The following MCC variants were observed in gnomAD, a reference collection of about 807,000 sequenced individuals.
The protein encoded by MCC is colorectal mutant cancer protein.
MCC carries 90 observed loss-of-function variants against 116.2 expected under a neutral mutation model. The observed-to-expected ratio is 0.77, with a 90% CI of 0.65 to 0.92. The LOEUF (loss-of-function observed/expected upper bound fraction) is 0.92. Ranked by LOEUF, MCC falls within the 40% of genes least tolerant of loss-of-function variation. The pLI is 0.00. For synonymous variants in MCC, 578 were observed against 510.5 expected, an observed-to-expected ratio of 1.13 and a Z score of -1.78; for missense variants, 1,516 against 1,312.2, an observed-to-expected ratio of 1.16 and a Z score of -2.40.
At chr5:113,274,702 C>A (rs1371516140) in intron 3 of MCC, among the ~76,000 whole-genome samples, 1 of 152,114 alleles carries the variant, frequency 6.6e-6, no homozygotes, top group Non-Finnish European at 1.5e-5. Flanking sequence ...GCCAGACTAG[C>A]ATTTTGGAAG....
At chr5:113,067,422 C>A (rs910526610) in intron 13 of MCC, among the ~76,000 whole-genome samples, 5 of 152,152 alleles carry the variant, frequency 3.3e-5, no homozygotes, top group African/African-American at 1.2e-4. Flanking sequence ...GGTGGATCAC[C>A]TGAGGTCAGG....
intron 11 of MCC, among the ~76,000 whole-genome samples, chr5:113,076,756 A>G (rs6859911): frequency 0.46 from 69,433 of 152,022 alleles, 17,460 homozygotes; most frequent in African/African-American, 0.69. Context: ...ATCAACTAAC[A>G]AGCAAAATAA....
At chr5:113,050,092 A>G (rs1409762150) in intron 15 of MCC, among the ~76,000 whole-genome samples, 4 of 152,196 alleles carry the variant, frequency 2.6e-5, no homozygotes, top group Admixed American at 2.0e-4. Context: ...GGCTCATTTC[A>G]TCTTCCCAAC....
At chr5:113,486,353 C>T (rs1407917798) in intron 1 of MCC, among the ~76,000 whole-genome samples, 1 of 152,222 alleles carries the variant, frequency 6.6e-6, no homozygotes, top group Non-Finnish European at 1.5e-5. Context: ...TCCAAAACGG[C>T]TTCTTTATCA....
chr5:113,156,102 C>G (rs1760155656), intron 3 of MCC, among the ~76,000 whole-genome samples: 1 of 152,148 alleles, frequency 6.6e-6, no homozygotes, highest in African/African-American at 2.4e-5. Flanking sequence ...TGCCTCAGTC[C>G]CTAGCAACTT....
intron 11 of MCC, among the ~76,000 whole-genome samples, chr5:113,076,061 C>A (rs7734300): frequency 0.11 from 16,906 of 152,144 alleles, 2,326 homozygotes; most frequent in African/African-American, 0.33. Flanking sequence ...TCCAGACACA[C>A]CATCTTTAAG....
chr5:113,270,244 T>C lies in MCC; in HGVS notation c.627+70275A>G, dbSNP rs141951854. 3.9e-3 allele frequency among the ~76,000 whole-genome samples: 587 copies of C among 152,276 alleles called. 6 individuals are homozygous for C. The highest frequency in any genetic ancestry group is 0.014 in the African/African-American group (564 of 41,556). Reference sequence around the variant, plus strand: ...TAGGTGGTTAGGAATGTAATAGTTCTAAGTCAGTAATGAATAATACGGCTG... The same window carrying C: ...TAGGTGGTTAGGAATGTAATAGTTCCAAGTCAGTAATGAATAATACGGCTG... On this transcript the variant is annotated intron_variant, in intron 3 of 18. Coordinates refer to ENST00000408903, the MANE Select transcript of MCC (RefSeq NM_001085377.2).
intron 3 of MCC, among the ~76,000 whole-genome samples, chr5:113,289,929 A>T (rs1035313907): frequency 2.0e-5 from 3 of 152,310 alleles, no homozygotes; most frequent in African/African-American, 4.8e-5. Flanking sequence ...CATTACAATG[A>T]AGTGTGATTT....
At chr5:113,218,289 A>C (rs1763402654) in intron 3 of MCC, among the ~76,000 whole-genome samples, 1 of 152,026 alleles carries the variant, frequency 6.6e-6, no homozygotes, top group Non-Finnish European at 1.5e-5. Flanking sequence ...TTATTCTTTC[A>C]CGTCTCTAAC....
intron 1 of MCC, among the ~76,000 whole-genome samples, chr5:113,445,624 C>T (rs1464956001): frequency 6.6e-6 from 1 of 152,124 alleles, no homozygotes; most frequent in Non-Finnish European, 1.5e-5. Context: ...ATTCCATGCT[C>T]ATGGATTGGA....
At chr5:113,398,412 C>T (rs373551424) in intron 1 of MCC, among the ~76,000 whole-genome samples, 3 of 152,114 alleles carry the variant, frequency 2.0e-5, no homozygotes, top group African/African-American at 7.2e-5. Flanking sequence ...TTCACAATAG[C>T]AAAGACATGG....
At chr5:113,477,411 T>C (rs1772261366) in intron 1 of MCC, among the ~76,000 whole-genome samples, 1 of 152,186 alleles carries the variant, frequency 6.6e-6, no homozygotes, top group Admixed American at 6.5e-5. Context: ...GATTTACCGT[T>C]TCACCTAAAA....
At chr5:113,247,217 T>A (rs1330986920) in intron 3 of MCC, among the ~76,000 whole-genome samples, 4 of 151,860 alleles carry the variant, frequency 2.6e-5, no homozygotes, top group Non-Finnish European at 5.9e-5. Context: ...AATCCAGAAG[T>A]GGGGGTTTCA....
At chr5:113,226,073 G>A (rs918263532) in intron 3 of MCC, among the ~76,000 whole-genome samples, 35 of 152,228 alleles carry the variant, frequency 2.3e-4, no homozygotes, top group African/African-American at 7.5e-4. Flanking sequence ...CTACACAGGG[G>A]GCTGAGGCTG....
intron 3 of MCC, among the ~76,000 whole-genome samples, chr5:113,308,930 A>C (rs1256984357): frequency 2.0e-5 from 3 of 152,216 alleles, no homozygotes; most frequent in Admixed American, 6.5e-5. Flanking sequence ...ATTTTGCACA[A>C]CCAAGGTTTC....
intron 3 of MCC, among the ~76,000 whole-genome samples, chr5:113,243,251 T>C (rs913531207): frequency 3.3e-5 from 5 of 152,154 alleles, no homozygotes; most frequent in Non-Finnish European, 7.4e-5. Context: ...CCTCTTCTGG[T>C]AATGAATCAT....
At chr5:113,060,903 T>C (rs1166416948) in intron 14 of MCC, among the ~76,000 whole-genome samples, 1 of 152,218 alleles carries the variant, frequency 6.6e-6, no homozygotes, top group Non-Finnish European at 1.5e-5. Context: ...TCAGTAAAGA[T>C]GACTGTTTCA....
At chr5:113,391,216 A>T (rs1245253654) in intron 1 of MCC, among the ~76,000 whole-genome samples, 1 of 152,202 alleles carries the variant, frequency 6.6e-6, no homozygotes, top group Non-Finnish European at 1.5e-5. Context: ...GACACAAAAG[A>T]GATGGGAGCA....
chr5:113,488,130 C>T (rs1580438012), intron 1 of MCC, 115 bp downstream of exon 1: 1 of 1,122,974 alleles, frequency 8.9e-7, no homozygotes. Context: ...CCAACTTTTC[C>T]CGCGAGCTTC....
Sources: allele counts gnomAD v4.1 joint callset (sites outside exome capture counted in the v4.1 genomes callset), GRCh38; gene constraint gnomAD v4.1.1; transcripts MANE v1.5; gene names NCBI Gene and HGNC (gene_info 2026-07-23, HGNC 2026-07-21).